The following ARAP2 variants were observed in gnomAD, a reference collection of about 807,000 sequenced individuals.
ARAP2 encodes ArfGAP with RhoGAP domain, ankyrin repeat and PH domain 2.
A neutral mutation model predicts 194.5 loss-of-function variants in ARAP2; 148 were observed. The observed-to-expected ratio is 0.76, with a 90% CI of 0.67 to 0.87. ARAP2 has a LOEUF of 0.87. Among genes scored for constraint, ARAP2 ranks in the 40% least tolerant of loss-of-function variants. The probability of loss-of-function intolerance (pLI) is 0.00; values close to 1 mark genes in which losing one functional copy is unlikely to be tolerated. For missense variants in ARAP2, 2,128 were observed against 1,989.7 expected, an observed-to-expected ratio of 1.07 and a Z score of -1.32; for synonymous variants, 695 against 683.5, an observed-to-expected ratio of 1.02 and a Z score of -0.26.
At chr4:36,047,046 G>T (rs78023231) in intron 3 of ARAP2, 192 of 152,306 alleles carry the variant, frequency 1.3e-3, no homozygotes, top group African/African-American at 4.2e-3. Context: ...TGTGAGTTCA[G>T]AGGCACATGC....
chr4:36,185,563 T>C (rs1740336497), intron 8 of ARAP2, among the ~76,000 whole-genome samples: 1 of 152,190 alleles, frequency 6.6e-6, no homozygotes, highest in African/African-American at 2.4e-5. Flanking sequence ...GCTTTTTATG[T>C]GCTATGCACT....
At chr4:36,180,745 T>C (rs1383179773) in intron 8 of ARAP2, among the ~76,000 whole-genome samples, 6 of 152,226 alleles carry the variant, frequency 3.9e-5, no homozygotes, top group Non-Finnish European at 8.8e-5. Flanking sequence ...TTGCATCTGT[T>C]GGAATTAACC....
chr4:36,192,755 T>C (rs1290597359), intron 7 of ARAP2, among the ~76,000 whole-genome samples: 1 of 152,220 alleles, frequency 6.6e-6, no homozygotes, highest in Non-Finnish European at 1.5e-5. Context: ...TCCAGCACTT[T>C]GGGAGGCCAA....
chr4:36,016,842 T>C (rs1212215811), intron 6 of ARAP2, among the ~76,000 whole-genome samples: 1 of 152,186 alleles, frequency 6.6e-6, no homozygotes, highest in Non-Finnish European at 1.5e-5. Flanking sequence ...TTGAGAGACC[T>C]CTGTCTGTCA....
intron 21 of ARAP2, among the ~76,000 whole-genome samples, chr4:36,125,589 G>T (rs1044897075): frequency 1.3e-5 from 2 of 151,876 alleles, no homozygotes; most frequent in South Asian, 4.1e-4. Flanking sequence ...GAGGATGATA[G>T]ACCTCCTGCT....
intron 1 of ARAP2, among the ~76,000 whole-genome samples, chr4:36,231,648 C>T (rs753920648): frequency 3.9e-5 from 6 of 152,156 alleles, no homozygotes; most frequent in Non-Finnish European, 8.8e-5. Flanking sequence ...TTGCTTACCC[C>T]TGTTCATAAA....
intron 15 of ARAP2, among the ~76,000 whole-genome samples, chr4:36,155,086 T>C (rs1578098591): frequency 1.3e-5 from 2 of 152,360 alleles, no homozygotes; most frequent in East Asian, 3.9e-4. Context: ...AATATTGATA[T>C]ATGAGTCACC....
chr4:36,051,511 A>T (rs1722668816), intron 3 of ARAP2, among the ~76,000 whole-genome samples: 1 of 151,898 alleles, frequency 6.6e-6, no homozygotes, highest in South Asian at 2.1e-4. Context: ...TAACAATAAT[A>T]ATAATAAATA....
At chr4:36,100,178 C>A (rs965818572) in intron 27 of ARAP2, among the ~76,000 whole-genome samples, 10 of 151,948 alleles carry the variant, frequency 6.6e-5, no homozygotes, top group African/African-American at 2.4e-4. Flanking sequence ...GTAGCAGTAA[C>A]CCTAAGACAG....
At chr4:36,118,954 C>G (rs1329915121) in intron 24 of ARAP2, among the ~76,000 whole-genome samples, 1 of 151,388 alleles carries the variant, frequency 6.6e-6, no homozygotes, top group East Asian at 1.9e-4. Context: ...GCATTTGCCT[C>G]ATTATGTATC....
intron 27 of ARAP2, among the ~76,000 whole-genome samples, chr4:36,099,950 C>T (rs573800001): frequency 1.3e-5 from 2 of 152,176 alleles, no homozygotes; most frequent in South Asian, 2.1e-4. Flanking sequence ...GAAACAACTA[C>T]CCTTACAAAA....
At chr4:36,127,703 C>A (rs1374760864) in intron 21 of ARAP2, among the ~76,000 whole-genome samples, 1 of 151,002 alleles carries the variant, frequency 6.6e-6, no homozygotes, top group Non-Finnish European at 1.5e-5. Flanking sequence ...AAACCTAGAA[C>A]AAGAGAGAAA....
chr4:36,082,222 T>C lies in ARAP2; in HGVS notation c.4544+29A>G, dbSNP rs372128866. On this transcript the variant is annotated intron_variant, in intron 30 of 32. Transcript: ENST00000303965. The stretch of plus-strand genomic sequence containing the variant: ...TCCTGAAATTGTCACCAATATATTA[T>C]GTCCAAAAGTTGTCAGCTGTTAACT... 20 of 1,595,806 alleles carry C rather than the reference T, an allele frequency of 1.3e-5. No homozygotes were observed. In the African/African-American group the frequency reaches 1.7e-4, roughly 14 times the overall value.
At chr4:36,115,380 A>C (rs1017647925) in intron 25 of ARAP2, among the ~76,000 whole-genome samples, 1 of 152,034 alleles carries the variant, frequency 6.6e-6, no homozygotes, top group Non-Finnish European at 1.5e-5. Context: ...CATTTCAGTG[A>C]TGCTGTTGAT....
intron 1 of ARAP2, chr4:36,243,552 C>A (rs1051632507): frequency 6.6e-6 from 1 of 152,056 alleles, no homozygotes; most frequent in Non-Finnish European, 1.5e-5. Flanking sequence ...CTCCAGATCA[C>A]CTCAAGGTAG....
downstream of ARAP2, among the ~76,000 whole-genome samples, chr4:36,062,633 A>AGTGT (rs10641822): frequency 0.26 from 38,060 of 147,944 alleles, 5,143 homozygotes; most frequent in Non-Finnish European, 0.32. Flanking sequence ...TTTGTGTGAG[A>AGTGT]GTGTGTGTGT....
chr4:36,062,631 A>AGT (rs1183505441), downstream of ARAP2, among the ~76,000 whole-genome samples: 1 of 120,532 alleles, frequency 8.3e-6, no homozygotes, highest in Non-Finnish European at 1.9e-5. Context: ...AATTTGTGTG[A>AGT]GAGTGTGTGT....
rs562275869 is a variant in ARAP2, at chr4:36,201,840, A to G, written c.1488-8193T>C. Among the ~76,000 whole-genome samples the G allele has an allele frequency of 2.6e-5, 4 of 152,264 alleles. No individual in the cohort carries two copies. In the South Asian group the frequency reaches 8.3e-4, roughly 32 times the overall value. ...CTTTAAGCTTAAAAAACAAATCCTA[A>G]TATCTAACAAGCATGCTAACTAACC... is the stretch of plus-strand genomic sequence containing the variant. On this transcript the variant is annotated intron_variant, in intron 6 of 32. Coordinates refer to ENST00000303965, the MANE Select transcript of ARAP2 (RefSeq NM_015230.4).
intron 22 of ARAP2, among the ~76,000 whole-genome samples, chr4:36,123,089 A>C (rs1723046581): frequency 6.6e-6 from 1 of 151,852 alleles, no homozygotes; most frequent in Non-Finnish European, 1.5e-5. Context: ...ACTGGAGTTT[A>C]ATAGAAGAGG....
Sources: gnomAD v4.1 joint callset for allele counts (sites outside exome capture counted in the v4.1 genomes callset) on GRCh38, gnomAD v4.1.1 for gene constraint, MANE v1.5 for transcripts, NCBI Gene and HGNC (gene_info 2026-07-23, HGNC 2026-07-21) for gene names.